The following MACF1 variants were observed in gnomAD, a reference collection of about 807,000 sequenced individuals.
MACF1 encodes microtubule actin crosslinking factor 1.
In MACF1, 193 loss-of-function variants were observed where a neutral mutation model predicts 854.8. The observed-to-expected ratio is 0.23, with a 90% CI of 0.20 to 0.25. MACF1 has a LOEUF of 0.25. Among genes scored for constraint, MACF1 ranks in the 10% least tolerant of loss-of-function variants. The probability of loss-of-function intolerance (pLI) is 1.00; values close to 1 mark genes in which losing one functional copy is unlikely to be tolerated. For missense variants in MACF1, 7,722 were observed against 8,929.1 expected (o/e 0.86, Z 5.45); for synonymous variants, 3,185 against 3,226.7 (o/e 0.99, Z 0.44).
intron 6 of MACF1, among the ~76,000 whole-genome samples, chr1:39,265,291 C>G (rs1645218063): frequency 6.6e-6 from 1 of 151,962 alleles, no homozygotes. Flanking sequence ...GAGTCTTTCA[C>G]TCTGGCTGTC....
chr1:39,159,078 T>C (rs1031860677), intron 2 of MACF1, among the ~76,000 whole-genome samples: 1 of 152,184 alleles, frequency 6.6e-6, no homozygotes. Context: ...TGAGCACTTA[T>C]TATGGTGTGT....
rs1643830323 is a variant in MACF1 at position 39,429,467 on chromosome 1, C to G, written c.16888+141C>G. 6.6e-6 allele frequency: 4 copies of G among 602,922 alleles called. No individual in the cohort carries two copies. The East Asian group carries it at 1.1e-4, about 16-fold the overall frequency. The allele number at this position is 602,922 out of a possible 1,614,324, so 37.3% of individuals were successfully genotyped here. ...TTCACTGATTGTATTCCCTACTGTG[C>G]TCCAGAAGGTTGTTTCCTGCTAAAT... On this transcript the variant is annotated intron_variant, in intron 64 of 100. Coordinates refer to ENST00000564288, the MANE Select transcript of MACF1 (RefSeq NM_001394062.1).
chr1:39,110,198 C>G (rs1377021645), intron 2 of MACF1, among the ~76,000 whole-genome samples: 1 of 147,264 alleles, frequency 6.8e-6, no homozygotes, highest in Admixed American at 6.8e-5. Flanking sequence ...TATGTAGATT[C>G]AGCTTATTTA....
chr1:39,303,219 C>A, intron 23 of MACF1, 141 bp downstream of exon 23: 1 of 888,430 alleles, frequency 1.1e-6, no homozygotes, highest in Non-Finnish European at 1.7e-6. Context: ...TTGGAGATAT[C>A]AAGTCTCCTA....
At chr1:39,279,991 G>C (rs896036016) in intron 6 of MACF1, among the ~76,000 whole-genome samples, 1 of 151,956 alleles carries the variant, frequency 6.6e-6, no homozygotes, top group African/African-American at 2.4e-5. Context: ...ATATAAACTT[G>C]TTTACTTTAC....
chr1:39,342,727 G>A (rs752324318), intron 40 of MACF1, among the ~76,000 whole-genome samples: 8 of 151,860 alleles, frequency 5.3e-5, no homozygotes, highest in Non-Finnish European at 7.4e-5. Context: ...ACCATGTTGC[G>A]TAGAGTGGTC....
intron 2 of MACF1, among the ~76,000 whole-genome samples, chr1:39,197,427 C>T (rs568840214): frequency 4.0e-4 from 61 of 152,074 alleles, no homozygotes; most frequent in South Asian, 1.5e-3. Context: ...ATTTTTTCCC[C>T]CAAATTTCCT....
intron 2 of MACF1, among the ~76,000 whole-genome samples, chr1:39,160,816 C>T (rs1643783390): frequency 2.6e-5 from 4 of 152,234 alleles, no homozygotes; most frequent in Admixed American, 2.6e-4. Context: ...GAGTTTCACC[C>T]ACTGTGCCCC....
upstream of MACF1, among the ~76,000 whole-genome samples, chr1:39,199,767 C>A (rs1201108343): frequency 6.6e-6 from 1 of 152,170 alleles, no homozygotes; most frequent in Non-Finnish European, 1.5e-5. Flanking sequence ...GTGTCATAGT[C>A]ATCTTGGTGT....
chr1:39,218,332 C>T (rs1352220083), intron 1 of MACF1, among the ~76,000 whole-genome samples: 1 of 151,950 alleles, frequency 6.6e-6, no homozygotes, highest in Non-Finnish European at 1.5e-5. Flanking sequence ...GGACAAATGC[C>T]TAATTTTATA....
At chr1:39,337,159 C>A in intron 37 of MACF1, 23 bp from the exon 38 acceptor site, 1 of 1,602,852 alleles carries the variant, frequency 6.2e-7, no homozygotes, top group South Asian at 1.1e-5. Context: ...AGAACTGAGT[C>A]AGCTTTCTTT....
Position 39,283,098 on chromosome 1 carries a change from G to A in MACF1, c.696-91G>A. 3.9e-6 allele frequency: 3 copies of A among 773,510 alleles called. No homozygotes were observed. The highest frequency in any genetic ancestry group is 6.6e-6 in the Non-Finnish European group (3 of 456,956). The allele number at this position is 773,510 out of a possible 1,614,324, so 47.9% of individuals were successfully genotyped here. The stretch of plus-strand genomic sequence containing the variant: ...TCTCTAACTCACTTAGTGTTTTTCA[G>A]CTCTGGGAACTTTCAGGAGGTTTTC... On this transcript the variant is annotated intron_variant, in intron 7 of 100. Coordinates refer to ENST00000564288, the MANE Select transcript of MACF1 (RefSeq NM_001394062.1). The surrounding 1 kb of genome is among the most constrained non-coding windows in gnomAD (Gnocchi z 4.5).
chr1:39,265,235 C>T (rs1203028844), intron 6 of MACF1, among the ~76,000 whole-genome samples: 4 of 151,840 alleles, frequency 2.6e-5, no homozygotes, highest in Non-Finnish European at 5.9e-5. Flanking sequence ...GATGAGGCAC[C>T]ATTTGTGTTT....
rs1192932035 is a variant in MACF1 at position 39,258,032 on chromosome 1, G to A, written c.528+4G>A. ...GACCATTATTTTGCATTTCCAGGTA[G>A]GGCATGTGAAGTTTGGAATTCCTGT... On this transcript the variant is annotated splice_donor_region_variant and intron_variant, in intron 6 of 100. Coordinates refer to ENST00000564288, the MANE Select transcript of MACF1 (RefSeq NM_001394062.1). 6.2e-7 allele frequency: 1 copy of A among 1,613,318 alleles called. No individual in the cohort carries two copies. Among genetic ancestry groups the A allele is most frequent in the East Asian group, 2.2e-5 (1 of 44,864 alleles).
intron 24 of MACF1, 81 bp from the exon 25 acceptor site, chr1:39,310,164 T>C (rs1646271635): frequency 8.8e-7 from 1 of 1,130,830 alleles, no homozygotes; most frequent in Non-Finnish European, 1.3e-6. Flanking sequence ...TTTGTATATA[T>C]GTTACTTCAG....
At position 39,434,478 on chromosome 1, in the gene MACF1, C is replaced by T. The variant is rs1422043126; in HGVS notation, c.17630C>T (p.Ala5877Val). The T allele has an allele frequency of 1.9e-6, 3 of 1,612,764 alleles. No individual in the cohort carries two copies. Among genetic ancestry groups the T allele is most frequent in the African/African-American group, 2.7e-5 (2 of 74,360 alleles). Residue 5877 changes from alanine (A) to valine (V), a missense_variant, in exon 69 of 101, where the codon GCC (alanine) becomes GTC (valine). Ala to Val is a moderately conservative substitution (Grantham distance 64, BLOSUM62 0). Around this residue, in one of 15 missense-constraint regions of MACF1, gnomAD observed 2,807 missense variants for 3,235.8 expected, o/e 0.87. Transcript: ENST00000564288. ...AGCCTACTCAATTCAGAGCGTTATG[C>T]CCGCCTAGAGCGGGCCCAGGTCTTA... ...AISLLNSERY[A>V]RLERAQVLVN...
In MACF1 at chr1:39,379,228, G is replaced by A. The variant is rs781614023; in HGVS notation, c.13302G>A (p.Met4434Ile). ...CKDLTEIQCDMSDVNLKYEKL... is the reference protein window; with the variant it reads ...CKDLTEIQCDISDVNLKYEKL... The stretch of plus-strand genomic sequence containing the variant: ...ATCTGACGGAGATCCAGTGTGACAT[G>A]TCAGATGTAAACTTGAAGTATGAGA... The change falls in exon 54 of 101, where the codon ATG (methionine) becomes ATA (isoleucine). Residue 4434 changes from methionine (M) to isoleucine (I), a missense_variant. Physicochemically the swap from Met to Ile is conservative, Grantham distance 10 (BLOSUM62 1). Transcript: ENST00000564288. The A allele has an allele frequency of 1.9e-6, 3 of 1,607,894 alleles. No homozygotes were observed. In the South Asian group the frequency reaches 3.3e-5, roughly 18 times the overall value.
At chr1:39,481,130 C>A in intron 99 of MACF1, 100 bp downstream of exon 99, 1 of 713,720 alleles carries the variant, frequency 1.4e-6, no homozygotes, top group Non-Finnish European at 2.4e-6. Context: ...TGCACTCTTT[C>A]ATCTCTGTGG....
At chr1:39,277,843 A>G (rs979390008) in intron 6 of MACF1, among the ~76,000 whole-genome samples, 2 of 152,220 alleles carry the variant, frequency 1.3e-5, no homozygotes, top group African/African-American at 4.8e-5. Flanking sequence ...GAATTTAAGC[A>G]CAGCTCCTAG....
Sources: allele counts gnomAD v4.1 joint callset (sites outside exome capture counted in the v4.1 genomes callset), GRCh38; gene constraint gnomAD v4.1.1; regional missense constraint gnomAD v4.1.1; non-coding constraint Gnocchi (gnomAD v3.1); transcripts MANE v1.5; gene names NCBI Gene and HGNC (gene_info 2026-07-23, HGNC 2026-07-21).